Variants in THSD7B observed in about 807,000 individuals in gnomAD.
THSD7B encodes the protein thrombospondin type-1 domain-containing protein 7B.
A neutral mutation model predicts 213.6 loss-of-function variants in THSD7B; 138 were observed. That is an observed-to-expected ratio of 0.65 (90% CI 0.56 to 0.74). The LOEUF (loss-of-function observed/expected upper bound fraction) is 0.74, where lower values mean the gene tolerates loss of function less well. Among genes scored for constraint, THSD7B ranks in the 30% least tolerant of loss-of-function variants. The pLI, the probability that THSD7B is intolerant of heterozygous loss-of-function variation, is 0.00. For missense variants in THSD7B, 1,931 were observed against 1,991.5 expected (o/e 0.97, Z 0.58); for synonymous variants, 742 against 687.0 (o/e 1.08, Z -1.25).
chr2:137,042,962 C>A (rs1686908419), intron 2 of THSD7B, among the ~76,000 whole-genome samples: 1 of 152,188 alleles, frequency 6.6e-6, no homozygotes, highest in Non-Finnish European at 1.5e-5. Context: ...GGCTGCAGGC[C>A]ATTGCTGTGT....
chr2:137,603,397 C>A (rs555934176), intron 17 of THSD7B, among the ~76,000 whole-genome samples: 1 of 152,096 alleles, frequency 6.6e-6, no homozygotes, highest in African/African-American at 2.4e-5. Flanking sequence ...TTAAAATGTG[C>A]TAAAATGGGT....
At chr2:137,046,649 G>C (rs1686975255) in intron 2 of THSD7B, among the ~76,000 whole-genome samples, 1 of 146,210 alleles carries the variant, frequency 6.8e-6, no homozygotes, top group South Asian at 2.2e-4. Context: ...AGAATCATTT[G>C]AACCTGGGAG....
At chr2:137,560,363 C>T (rs538846582) in intron 15 of THSD7B, among the ~76,000 whole-genome samples, 64 of 152,226 alleles carry the variant, frequency 4.2e-4, no homozygotes, top group African/African-American at 1.4e-3. Context: ...ACATATACAC[C>T]ATGGAATACT....
chr2:137,556,223 T>G (rs974419484), intron 15 of THSD7B, among the ~76,000 whole-genome samples: 3 of 151,988 alleles, frequency 2.0e-5, no homozygotes, highest in Admixed American at 2.0e-4. Flanking sequence ...GAAGAGCAAC[T>G]CCCAGACACA....
At chr2:136,819,254 T>C (rs1682532635) in intron 1 of THSD7B, among the ~76,000 whole-genome samples, 1 of 152,242 alleles carries the variant, frequency 6.6e-6, no homozygotes, top group African/African-American at 2.4e-5. Context: ...AGTATAATTA[T>C]GTAACTGCAG....
chr2:136,787,239 T>A (rs1228247626), intron 1 of THSD7B, among the ~76,000 whole-genome samples: 1 of 152,164 alleles, frequency 6.6e-6, no homozygotes, highest in East Asian at 1.9e-4. Flanking sequence ...ATGATTCTTT[T>A]TTTTTCAAGG....
At chr2:136,842,990 A>AT (rs2104956920) in intron 1 of THSD7B, among the ~76,000 whole-genome samples, 1 of 152,204 alleles carries the variant, frequency 6.6e-6, no homozygotes, top group Non-Finnish European at 1.5e-5. Flanking sequence ...CTAATCAGGT[A>AT]CTGACTGGCA....
chr2:137,279,278 G>C (rs1301710781), intron 12 of THSD7B, among the ~76,000 whole-genome samples: 1 of 152,152 alleles, frequency 6.6e-6, no homozygotes, highest in Admixed American at 6.6e-5. Context: ...GCTCATGCCT[G>C]TAATCTCAGC....
At chr2:137,079,461 T>G (rs1301106616) in intron 3 of THSD7B, among the ~76,000 whole-genome samples, 1 of 152,210 alleles carries the variant, frequency 6.6e-6, no homozygotes, top group African/African-American at 2.4e-5. Context: ...CTTTACATTC[T>G]AAAGTGTTTT....
At chr2:137,104,003 A>G (rs1688199069) in intron 4 of THSD7B, among the ~76,000 whole-genome samples, 1 of 152,214 alleles carries the variant, frequency 6.6e-6, no homozygotes, top group African/African-American at 2.4e-5. Flanking sequence ...GATATTTAGG[A>G]CTTGAACTCA....
intron 12 of THSD7B, among the ~76,000 whole-genome samples, chr2:137,363,867 G>A (rs1340905835): frequency 6.6e-6 from 1 of 152,128 alleles, no homozygotes; most frequent in Non-Finnish European, 1.5e-5. Context: ...AGAAAAAGGG[G>A]GAATCCCCCC....
intron 2 of THSD7B, among the ~76,000 whole-genome samples, chr2:137,038,434 G>T (rs907156775): frequency 6.6e-6 from 1 of 152,158 alleles, no homozygotes; most frequent in African/African-American, 2.4e-5. Context: ...GATGAGCCCG[G>T]CATCCCTTTG....
chr2:137,045,060 G>A (rs941364563), intron 2 of THSD7B, among the ~76,000 whole-genome samples: 15 of 152,208 alleles, frequency 9.9e-5, no homozygotes, highest in Non-Finnish European at 1.9e-4. Context: ...TACTGTGGCT[G>A]TAACTTTTGC....
At chr2:137,392,613 T>C (rs989523493) in intron 12 of THSD7B, among the ~76,000 whole-genome samples, 1 of 152,184 alleles carries the variant, frequency 6.6e-6, no homozygotes. Context: ...TTCCATCTCT[T>C]TTCTTTCTGT....
intron 7 of THSD7B, among the ~76,000 whole-genome samples, chr2:137,226,519 A>G (rs192520246): frequency 3.3e-5 from 5 of 151,818 alleles, no homozygotes; most frequent in African/African-American, 1.2e-4. Flanking sequence ...ATTTGAACTG[A>G]AAAAAAGAAA....
chr2:136,820,549 TG>T (rs1682550867), intron 1 of THSD7B, among the ~76,000 whole-genome samples: 1 of 151,852 alleles, frequency 6.6e-6, no homozygotes, highest in Non-Finnish European at 1.5e-5. Context: ...ATACTACAAA[TG>T]AAAAAGAAAG....
chr2:137,159,554 A>T (rs1001051176), intron 5 of THSD7B, among the ~76,000 whole-genome samples: 3 of 152,148 alleles, frequency 2.0e-5, no homozygotes. Context: ...TGCGACCTGA[A>T]GTGACCTCCA....
chr2:137,289,911 GAT>G (rs572388360), intron 12 of THSD7B, among the ~76,000 whole-genome samples: 263 of 152,100 alleles, frequency 1.7e-3, no homozygotes, highest in African/African-American at 6.2e-3. Context: ...GTGAGTTCAG[GAT>G]TTGGAAAAGA....
Position 136,790,610 on chromosome 2 carries a change from A to T in THSD7B, c.-36+24923A>T, listed in dbSNP as rs114802290. On this transcript the variant is annotated intron_variant, in intron 1 of 27. Transcript: ENST00000409968. ...GTTAAAATATTTTCTCCATAAAAAG[A>T]TGAAAGTTTTTGGAGATTCAAAGAC... Among the ~76,000 whole-genome samples, 1,314 of 152,222 alleles carry T rather than the reference A, an allele frequency of 8.6e-3. 22 individuals carry two copies. Among genetic ancestry groups the T allele is most frequent in the African/African-American group, 0.03 (1,237 of 41,554 alleles).
Sources: gnomAD v4.1 joint callset for allele counts (sites outside exome capture counted in the v4.1 genomes callset) on GRCh38, gnomAD v4.1.1 for gene constraint, MANE v1.5 for transcripts, NCBI Gene and HGNC (gene_info 2026-07-23, HGNC 2026-07-21) for gene names.